Variants in SPINT2 observed in about 807,000 individuals in gnomAD.
SPINT2 encodes the protein kunitz-type protease inhibitor 2.
Under a neutral mutation model 30.1 loss-of-function variants are expected in SPINT2, and 18 were observed. The observed-to-expected ratio is 0.60, with a 90% CI of 0.41 to 0.89. SPINT2 has a LOEUF of 0.89. Among genes scored for constraint, SPINT2 ranks in the 40% least tolerant of loss-of-function variants. The pLI, the probability that SPINT2 is intolerant of heterozygous loss-of-function variation, is 0.00. For missense variants in SPINT2, 276 were observed against 334.3 expected (o/e 0.83, Z 1.36); for synonymous variants, 139 against 137.9 (o/e 1.01, Z -0.05).
intron 1 of SPINT2, among the ~76,000 whole-genome samples, chr19:38,271,910 A>G (rs941341126): frequency 1.3e-5 from 2 of 152,104 alleles, no homozygotes; most frequent in African/African-American, 4.8e-5. Flanking sequence ...CCCAGGGTCC[A>G]TGGCCTCAGA....
intron 1 of SPINT2, chr19:38,265,481 T>C (rs533576632): frequency 3.9e-5 from 6 of 152,600 alleles, no homozygotes; most frequent in African/African-American, 1.4e-4. Flanking sequence ...TCCCCTGAAG[T>C]TTTTGTAGTT....
chr19:38,280,975 G>A lies in SPINT2; in HGVS notation c.107-2652G>A, dbSNP rs866145058. On this transcript the variant is annotated intron_variant, in intron 1 of 6. Coordinates refer to ENST00000301244, the MANE Select transcript of SPINT2 (RefSeq NM_021102.4). ...TGCCAGGGCTCACTGTGGCAGGGCG[G>A]CGGAGAGGCTGCTGGCGCCTCTGTA... Among the ~76,000 whole-genome samples, 6 of 152,234 alleles carry A rather than the reference G, an allele frequency of 3.9e-5. 1 individual carries two copies. In the South Asian group the frequency reaches 6.2e-4, roughly 16 times the overall value.
At position 38,290,188 on chromosome 19, in the gene SPINT2, A is replaced by G; in HGVS notation, c.461A>G (p.Glu154Gly). The G allele has an allele frequency of 6.2e-7, 1 of 1,612,602 alleles. No homozygotes were observed. Among genetic ancestry groups the G allele is most frequent in the Non-Finnish European group, 8.5e-7 (1 of 1,180,032 alleles). The change falls in exon 5 of 7, where the codon GAG becomes GGG. Residue 154 changes from glutamate (E) to glycine (G), a missense_variant. Glu to Gly is a moderately conservative substitution (Grantham distance 98). Coordinates refer to ENST00000301244, the MANE Select transcript of SPINT2 (RefSeq NM_021102.4). The surrounding 1 kb of genome is among the most constrained non-coding windows in gnomAD (Gnocchi z 4.3). ...ASFPRWYFDV[E>G]RNSCNNFIYG... ...TTCCCACGCTGGTACTTTGACGTGGAGAGGAACTCCTGCAATAACTTCATC... is the reference window on the plus strand; with the variant it reads ...TTCCCACGCTGGTACTTTGACGTGGGGAGGAACTCCTGCAATAACTTCATC...
chr19:38,267,651 G>GGT (rs1568337411), intron 1 of SPINT2, among the ~76,000 whole-genome samples: 1 of 151,972 alleles, frequency 6.6e-6, no homozygotes, highest in Non-Finnish European at 1.5e-5. Flanking sequence ...AGAGGAAGCG[G>GGT]GGGGGCGAGG....
At chr19:38,284,283 G>GGGC (rs1408729588) in intron 2 of SPINT2, among the ~76,000 whole-genome samples, 2 of 151,974 alleles carry the variant, frequency 1.3e-5, no homozygotes, top group East Asian at 3.9e-4. Flanking sequence ...TTATAGAGGC[G>GGGC]GGGGTCTCCC....
At chr19:38,280,246 C>T (rs961334662) in intron 1 of SPINT2, among the ~76,000 whole-genome samples, 3 of 152,162 alleles carry the variant, frequency 2.0e-5, no homozygotes, top group African/African-American at 4.8e-5. Flanking sequence ...GACCGTGCTC[C>T]GGAAGAGCTG....
intron 2 of SPINT2, among the ~76,000 whole-genome samples, chr19:38,286,092 T>C (rs1226306040): frequency 6.6e-6 from 1 of 152,152 alleles, no homozygotes; most frequent in African/African-American, 2.4e-5. Context: ...CTGCAATGTG[T>C]GTCTCTCGAG....
chr19:38,287,176 A>G lies in SPINT2; in HGVS notation c.278-700A>G, dbSNP rs1008819747. Reference sequence around the variant, plus strand: ...GTAGCTGGGATTACAGGCATCTGCCATCACGCCTGGCTAACTTTTTGGGTT... The same window carrying G: ...GTAGCTGGGATTACAGGCATCTGCCGTCACGCCTGGCTAACTTTTTGGGTT... On this transcript the variant is annotated intron_variant, in intron 2 of 6. Coordinates refer to ENST00000301244, the MANE Select transcript of SPINT2 (RefSeq NM_021102.4). Among the ~76,000 whole-genome samples, 6 of 152,086 alleles carry G rather than the reference A, an allele frequency of 3.9e-5. No individual in the cohort carries two copies. In the East Asian group the frequency reaches 9.6e-4, roughly 24 times the overall value.
intron 3 of SPINT2, chr19:38,288,787 C>G (rs187939664): frequency 1.4e-4 from 41 of 303,370 alleles, no homozygotes; most frequent in African/African-American, 8.4e-4. Context: ...CTCTGCTAGC[C>G]CCCCCACACA....
chr19:38,277,398 C>T (rs1166375502), intron 1 of SPINT2, among the ~76,000 whole-genome samples: 1 of 151,978 alleles, frequency 6.6e-6, no homozygotes, highest in Admixed American at 6.6e-5. Context: ...GTGCACACCA[C>T]CACACCCGGC....
chr19:38,280,218 G>A (rs138738967), intron 1 of SPINT2, among the ~76,000 whole-genome samples: 143 of 152,248 alleles, frequency 9.4e-4, no homozygotes, highest in African/African-American at 3.2e-3. Context: ...GAAAGGAAGC[G>A]TCTCAGGGAC....
rs371932777 is a variant in SPINT2, at chr19:38,287,566, A to G, written c.278-310A>G. 2.3e-4 allele frequency among the ~76,000 whole-genome samples: 35 copies of G among 152,232 alleles called. No homozygotes were observed. In the East Asian group the frequency reaches 2.3e-3, roughly 10 times the overall value. On this transcript the variant is annotated intron_variant, in intron 2 of 6. Transcript: ENST00000301244. ...GGTCTCAAACTCCTGACCTCAGGTG[A>G]TCCACCTGCCTTGGCCTCCCAAAGT...
At chr19:38,270,186 G>A (rs1045839830) in intron 1 of SPINT2, among the ~76,000 whole-genome samples, 4 of 152,146 alleles carry the variant, frequency 2.6e-5, no homozygotes, top group African/African-American at 7.2e-5. Flanking sequence ...ATGGATAGTC[G>A]TGACCCTGGT....
At chr19:38,274,946 C>T (rs1968499232) in intron 1 of SPINT2, among the ~76,000 whole-genome samples, 1 of 152,056 alleles carries the variant, frequency 6.6e-6, no homozygotes, top group Non-Finnish European at 1.5e-5. Context: ...GAAATGAGGG[C>T]GGCAGTTGTG....
At chr19:38,266,151 C>G (rs1401514709) in intron 1 of SPINT2, among the ~76,000 whole-genome samples, 30 of 152,078 alleles carry the variant, frequency 2.0e-4, no homozygotes, top group Admixed American at 2.0e-3. Context: ...GAAGCTGGAA[C>G]AAGCTTGGTT....
chr19:38,273,494 C>T (rs925122521), intron 1 of SPINT2, among the ~76,000 whole-genome samples: 4 of 152,218 alleles, frequency 2.6e-5, no homozygotes, highest in Admixed American at 6.5e-5. Context: ...CCACTGTGCC[C>T]GGCCTCAGTA....
intron 2 of SPINT2, among the ~76,000 whole-genome samples, chr19:38,287,285 G>A (rs752279025): frequency 5.3e-5 from 8 of 152,280 alleles, no homozygotes; most frequent in East Asian, 3.9e-4. Context: ...TGCAACCTCC[G>A]CCTCCCGAGT....
Position 38,290,093 on chromosome 19 carries a change from T to C in SPINT2, c.392-26T>C, listed in dbSNP as rs1414948225. On this transcript the variant is annotated intron_variant, in intron 4 of 6. Transcript: ENST00000301244. This position sits in a 1 kb window ranked among gnomAD's most constrained non-coding sequence, Gnocchi z 4.3. ...CCTCCTTGCGGGCCCTACTAATTTG[T>C]ATTCCCTGGGCTGTCTTACTCCTAG... 6.2e-7 allele frequency: 1 copy of C among 1,612,080 alleles called. No homozygotes were observed. Among genetic ancestry groups the C allele is most frequent in the African/African-American group, 1.3e-5 (1 of 74,864 alleles).
chr19:38,282,555 C>T (rs552038502), intron 1 of SPINT2, among the ~76,000 whole-genome samples: 1 of 152,356 alleles, frequency 6.6e-6, no homozygotes, highest in African/African-American at 2.4e-5. Flanking sequence ...CTCTCCCTTT[C>T]AAGAGAGCGT....
Sources: allele counts gnomAD v4.1 joint callset (sites outside exome capture counted in the v4.1 genomes callset), GRCh38; gene constraint gnomAD v4.1.1; non-coding constraint Gnocchi (gnomAD v3.1); transcripts MANE v1.5; gene names NCBI Gene and HGNC (gene_info 2026-07-23, HGNC 2026-07-21).